The following ERLEC1 variants were observed in gnomAD, a reference collection of about 807,000 sequenced individuals.
ERLEC1 encodes ER lectin.
Under a neutral mutation model 68.0 loss-of-function variants are expected in ERLEC1, and 47 were observed. The ratio of observed to expected loss-of-function variants is 0.69; its 90% confidence interval spans 0.55 to 0.88. The LOEUF (loss-of-function observed/expected upper bound fraction) is 0.88. Among genes scored for constraint, ERLEC1 ranks in the 40% least tolerant of loss-of-function variants. The pLI is 0.00. For missense variants in ERLEC1, 567 were observed against 583.8 expected, an observed-to-expected ratio of 0.97 and a Z score of 0.30; for synonymous variants, 225 against 203.2, an observed-to-expected ratio of 1.11 and a Z score of -0.91.
At chr2:53,817,283 C>T (rs1436253369) in intron 13 of ERLEC1, among the ~76,000 whole-genome samples, 1 of 151,848 alleles carries the variant, frequency 6.6e-6, no homozygotes, top group Non-Finnish European at 1.5e-5. Context: ...ACAGGCATGT[C>T]CCACCACGCC....
At position 53,813,696 on chromosome 2, in the gene ERLEC1, CT is replaced by C. The variant is rs1397893842; in HGVS notation, c.1226+627del. Among the ~76,000 whole-genome samples, 5 of 152,138 alleles carry C rather than the reference CT, an allele frequency of 3.3e-5. No individual in the cohort carries two copies. In the East Asian group the frequency reaches 9.7e-4, roughly 29 times the overall value. On this transcript the variant is annotated intron_variant, in intron 11 of 13. Transcript: ENST00000185150. ...CTTCTTGTTCCTTCTTGGGTATTAC[CT>C]TTTCCTTCCTAAAACAGATGATTTG...
intron 3 of ERLEC1, among the ~76,000 whole-genome samples, chr2:53,796,924 C>G (rs1675743247): frequency 1.5e-5 from 2 of 131,224 alleles, no homozygotes; most frequent in South Asian, 5.4e-4. Flanking sequence ...CAGAGTTTCA[C>G]TCCGTCACCC....
intron 1 of ERLEC1, among the ~76,000 whole-genome samples, chr2:53,791,265 A>T (rs1421887396): frequency 6.6e-6 from 1 of 152,022 alleles, no homozygotes; most frequent in African/African-American, 2.4e-5. Context: ...TTAAAATTTG[A>T]CTTTATGTCA....
intron 1 of ERLEC1, among the ~76,000 whole-genome samples, chr2:53,791,220 A>G (rs1675375308): frequency 6.6e-6 from 1 of 152,218 alleles, no homozygotes; most frequent in South Asian, 2.1e-4. Context: ...CTTAACTTTT[A>G]AAGTACCCCA....
At chr2:53,805,392 T>A (rs977355009) in intron 8 of ERLEC1, among the ~76,000 whole-genome samples, 3 of 152,040 alleles carry the variant, frequency 2.0e-5, no homozygotes, top group African/African-American at 7.2e-5. Context: ...TTAATTAATT[T>A]TTTTTAGTAG....
intron 2 of ERLEC1, among the ~76,000 whole-genome samples, chr2:53,794,904 C>T (rs1356056467): frequency 1.3e-5 from 2 of 152,100 alleles, no homozygotes; most frequent in South Asian, 2.1e-4. Flanking sequence ...CTGCCCACCT[C>T]GGCCTCCCAA....
chr2:53,808,908 C>A (rs1217858259), intron 9 of ERLEC1, among the ~76,000 whole-genome samples: 1 of 152,172 alleles, frequency 6.6e-6, no homozygotes, highest in Non-Finnish European at 1.5e-5. Flanking sequence ...GGATTACAGG[C>A]GTGAGCCACC....
At chr2:53,814,512 T>C in intron 11 of ERLEC1, 31 bp from the exon 12 acceptor site, 2 of 1,536,634 alleles carry the variant, frequency 1.3e-6, no homozygotes, top group African/African-American at 2.7e-5. Flanking sequence ...AGATTTTAGT[T>C]TAATAAAACT....
At chr2:53,808,829 G>A (rs924710393) in intron 9 of ERLEC1, among the ~76,000 whole-genome samples, 4 of 152,132 alleles carry the variant, frequency 2.6e-5, no homozygotes, top group Non-Finnish European at 5.9e-5. Flanking sequence ...GGGTCTCACT[G>A]TGTTACCCAG....
chr2:53,794,322 T>C, intron 1 of ERLEC1, 23 bp from the exon 2 acceptor site: 1 of 1,066,698 alleles, frequency 9.4e-7, no homozygotes, highest in Non-Finnish European at 1.4e-6. Context: ...GAACATAATG[T>C]ATGTTTTTTC....
Position 53,808,821 on chromosome 2 carries a change from G to T in ERLEC1, c.1041+361G>T, listed in dbSNP as rs192546843. 4.6e-5 allele frequency among the ~76,000 whole-genome samples: 7 copies of T among 152,204 alleles called. No individual in the cohort carries two copies. In the East Asian group the frequency reaches 1.4e-3, roughly 29 times the overall value. ...CTTTAAAAAAAAAGTTAGAGACAGG[G>T]TCTCACTGTGTTACCCAGGCTGATC... On this transcript the variant is annotated intron_variant, in intron 9 of 13. Transcript: ENST00000185150.
chr2:53,808,236 C>A, intron 8 of ERLEC1, 63 bp from the exon 9 acceptor site: 1 of 1,534,946 alleles, frequency 6.5e-7, no homozygotes, highest in Non-Finnish European at 8.8e-7. Context: ...TAACTTAAGC[C>A]ATAACTGAAA....
chr2:53,812,838 GATATCCACT>G, intron 10 of ERLEC1, 102 bp from the exon 11 acceptor site: 3 of 1,062,658 alleles, frequency 2.8e-6, no homozygotes, highest in Non-Finnish European at 4.1e-6. Flanking sequence ...CCTAAATATA[GATATCCACT>G]GTGCAGATAA....
At chr2:53,811,020 T>C (rs1341368315) in intron 10 of ERLEC1, among the ~76,000 whole-genome samples, 1 of 152,204 alleles carries the variant, frequency 6.6e-6, no homozygotes, top group African/African-American at 2.4e-5. Context: ...TGTTAACATT[T>C]TCATAGCCTG....
At chr2:53,807,262 A>ATATC (rs374103649) in intron 8 of ERLEC1, among the ~76,000 whole-genome samples, 6,634 of 152,318 alleles carry the variant, frequency 0.044, 165 homozygotes, top group Non-Finnish European at 0.06. Context: ...ACACACAGAT[A>ATATC]AACACATAAA....
Position 53,794,330 on chromosome 2 carries a change from T to C in ERLEC1, c.163-15T>C, listed in dbSNP as rs1348641406. On this transcript the variant is annotated splice_polypyrimidine_tract_variant and intron_variant, in intron 1 of 13. Transcript: ENST00000185150. Reference sequence around the variant, plus strand: ...TCACGGAGAACATAATGTATGTTTTTTCTTCTATTTGCAGCCCACAACTGG... The same window carrying C: ...TCACGGAGAACATAATGTATGTTTTCTCTTCTATTTGCAGCCCACAACTGG... 8.1e-6 allele frequency: 10 copies of C among 1,235,528 alleles called. No individual in the cohort carries two copies. Among genetic ancestry groups the C allele is most frequent in the Non-Finnish European group, 1.1e-5 (10 of 870,486 alleles). The allele number at this position is 1,235,528 out of a possible 1,614,324, so 76.5% of individuals were successfully genotyped here.
At chr2:53,797,399 T>C (rs1675770624) in intron 3 of ERLEC1, 116 bp from the exon 4 acceptor site, 1 of 691,802 alleles carries the variant, frequency 1.4e-6, no homozygotes, top group African/African-American at 1.8e-5. Flanking sequence ...ATAAGTGTCA[T>C]TTAATGAAAG....
chr2:53,793,172 A>G (rs1404192131), intron 1 of ERLEC1, among the ~76,000 whole-genome samples: 1 of 152,236 alleles, frequency 6.6e-6, no homozygotes, highest in Non-Finnish European at 1.5e-5. Flanking sequence ...ATAAAACACA[A>G]AAATCTCTGC....
rs1558595247 is a variant in ERLEC1 at position 53,797,534 on chromosome 2, A to C, written c.368A>C (p.Tyr123Ser). ...CSYRIESYWT[Y>S]EVCHGKHIRQ... is the part of the protein sequence containing the mutation. ...TTTTAGATTGAGTCTTATTGGACTT[A>C]CGAAGTATGTCATGGAAAACACATT... The change falls in exon 4 of 14, where the codon TAC becomes TCC. Residue 123 changes from tyrosine to serine, a missense_variant. Tyr to Ser is a moderately radical substitution (Grantham distance 144). Coordinates refer to ENST00000185150, the MANE Select transcript of ERLEC1 (RefSeq NM_015701.5). The C allele has an allele frequency of 6.2e-7, 1 of 1,612,494 alleles. No homozygotes were observed. Among genetic ancestry groups the C allele is most frequent in the African/African-American group, 1.3e-5 (1 of 75,006 alleles).
Sources: allele counts gnomAD v4.1 joint callset (sites outside exome capture counted in the v4.1 genomes callset), GRCh38; gene constraint gnomAD v4.1.1; transcripts MANE v1.5; gene names NCBI Gene and HGNC (gene_info 2026-07-23, HGNC 2026-07-21).